MS4A15: variants seen among roughly 807,000 people sequenced by gnomAD.
The protein encoded by MS4A15 is membrane-spanning 4-domains subfamily A member 15.
Under a neutral mutation model 20.6 loss-of-function variants are expected in MS4A15, and 22 were observed. The observed-to-expected ratio is 1.07, with a 90% confidence interval of 0.76 to 1.52. The LOEUF is 1.52. MS4A15 is among the 40% of genes most tolerant of loss of function. The pLI is 0.00. For synonymous variants in MS4A15, 129 were observed against 129.3 expected, an observed-to-expected ratio of 1.00 and a Z score of 0.02; for missense variants, 312 against 323.0, an observed-to-expected ratio of 0.97 and a Z score of 0.26.
intron 6 of MS4A15, among the ~76,000 whole-genome samples, 183 bp from the exon 7 acceptor site, chr11:60,775,422 T>G (rs59086786): frequency 6.6e-6 from 1 of 152,188 alleles, no homozygotes; most frequent in South Asian, 2.1e-4. Flanking sequence ...GCCTGGATCA[T>G]AGCTGGCCCC....
At chr11:60,775,453 T>G (rs921037307) in intron 6 of MS4A15, 152 bp from the exon 7 acceptor site, 2 of 623,566 alleles carry the variant, frequency 3.2e-6, no homozygotes, top group Non-Finnish European at 5.7e-6. Flanking sequence ...GTTTGAAATA[T>G]TGGTTGCACG....
chr11:60,764,586 C>T (rs572750160), intron 2 of MS4A15, among the ~76,000 whole-genome samples: 4 of 152,300 alleles, frequency 2.6e-5, no homozygotes, highest in African/African-American at 9.6e-5. Context: ...CACACATTTG[C>T]ACGTGTGTGT....
intron 3 of MS4A15, among the ~76,000 whole-genome samples, chr11:60,768,818 G>C (rs1198043925): frequency 6.6e-6 from 1 of 152,188 alleles, no homozygotes; most frequent in African/African-American, 2.4e-5. Context: ...TGCATAAAAG[G>C]GGTCTCCATT....
rs139045110 is a variant in MS4A15, at chr11:60,773,951, G to C, written c.612+1G>C. ...AGCCATCCATGCCCAGGCCAGTGCAGTGAGTACCCCCACCCCCACCCCCAC... is the reference window on the plus strand; with the variant it reads ...AGCCATCCATGCCCAGGCCAGTGCACTGAGTACCCCCACCCCCACCCCCAC... On this transcript the variant is annotated splice_donor_variant, in intron 6 of 6. Transcript: ENST00000405633. LOFTEE classifies it high-confidence loss of function. 191 of 1,611,964 alleles carry C rather than the reference G, an allele frequency of 1.2e-4. No homozygotes were observed. Among genetic ancestry groups the C allele is most frequent in the Non-Finnish European group, 1.6e-4 (183 of 1,178,300 alleles).
chr11:60,775,935 G>T lies in MS4A15; in HGVS notation c.*220G>T, dbSNP rs147908770. ...AAAAGACACCGGGCTGACGTCAGGG[G>T]TGTGTGTCCTTCAGCTCCCTGAGCC... On this transcript the variant is annotated 3_prime_UTR_variant, in exon 7 of 7. Transcript: ENST00000405633. 230 of 441,220 alleles carry T rather than the reference G, an allele frequency of 5.2e-4. No homozygotes were observed. Among genetic ancestry groups the T allele is most frequent in the African/African-American group, 1.3e-3 (68 of 51,340 alleles). 27.3% of individuals were successfully genotyped at this position (441,220 alleles called of 1,614,324 possible).
chr11:60,759,472 C>T (rs1388165409), intron 1 of MS4A15, among the ~76,000 whole-genome samples: 1 of 152,216 alleles, frequency 6.6e-6, no homozygotes. Context: ...TGAGACAGCC[C>T]GAGATATGGC....
In MS4A15 at chr11:60,773,499, G is replaced by C. The variant is rs1176913347; in HGVS notation, c.498+15G>C. ...TTACCAACCGGGTGCGTTGTCAGAT[G>C]GCCCTCGGGGTGGGAAAACTTGGAA... On this transcript the variant is annotated intron_variant, in intron 5 of 6. Transcript: ENST00000405633. 3.1e-6 allele frequency: 5 copies of C among 1,610,982 alleles called. No individual in the cohort carries two copies. The highest frequency in any genetic ancestry group is 4.2e-6 in the Non-Finnish European group (5 of 1,177,500).
chr11:60,766,163 C>T (rs1240046757), intron 2 of MS4A15, among the ~76,000 whole-genome samples: 5 of 152,148 alleles, frequency 3.3e-5, no homozygotes, highest in East Asian at 1.9e-4. Context: ...GGTGGATCAC[C>T]TGAGGTCAGG....
rs1590989374 is a variant in MS4A15, at chr11:60,775,749, C to A, written c.*34C>A. 1 of 1,562,272 alleles carries A rather than the reference C, an allele frequency of 6.4e-7. No homozygotes were observed. Among genetic ancestry groups the A allele is most frequent in the Non-Finnish European group, 8.8e-7 (1 of 1,138,014 alleles). The stretch of plus-strand genomic sequence containing the variant: ...TGTGGCACCTGCGGGTGGAGTCCAG[C>A]CTTTTCCCTCTGGGCCCAGCCTCTC... On this transcript the variant is annotated 3_prime_UTR_variant, in exon 7 of 7. Transcript: ENST00000405633.
chr11:60,762,451 T>A (rs1001997156), intron 1 of MS4A15, among the ~76,000 whole-genome samples: 10 of 152,294 alleles, frequency 6.6e-5, no homozygotes, highest in African/African-American at 2.4e-4. Flanking sequence ...ATTCCCACTC[T>A]TAAGTGTAAA....
intron 3 of MS4A15, among the ~76,000 whole-genome samples, chr11:60,769,769 C>T (rs1225248364): frequency 6.6e-6 from 1 of 152,218 alleles, no homozygotes; most frequent in Non-Finnish European, 1.5e-5. Context: ...CCCTGCTGCG[C>T]ATCCACCCCA....
intron 1 of MS4A15, among the ~76,000 whole-genome samples, chr11:60,763,176 C>CAATTGCTTGG (rs1479952326): frequency 6.6e-6 from 1 of 152,192 alleles, no homozygotes; most frequent in Non-Finnish European, 1.5e-5. Context: ...CATTTCTTGG[C>CAATTGCTTGG]TACATCAATG....
At chr11:60,773,179 A>C (rs1854084693) in intron 4 of MS4A15, among the ~76,000 whole-genome samples, 1 of 152,172 alleles carries the variant, frequency 6.6e-6, no homozygotes, top group Admixed American at 6.5e-5. Context: ...AGAAGGAAAG[A>C]GAGACAACAA....
intron 3 of MS4A15, among the ~76,000 whole-genome samples, chr11:60,768,439 G>A (rs1229191104): frequency 6.6e-6 from 1 of 152,226 alleles, no homozygotes; most frequent in East Asian, 1.9e-4. Context: ...ACAGGCAGGT[G>A]AGTCCTTGTC....
At chr11:60,766,540 A>C (rs1378593052) in intron 2 of MS4A15, among the ~76,000 whole-genome samples, 3 of 152,300 alleles carry the variant, frequency 2.0e-5, no homozygotes, top group Non-Finnish European at 2.9e-5. Context: ...GTGGTGGTCT[A>C]TCCACAGGGG....
At position 60,763,865 on chromosome 11, in the gene MS4A15, G is replaced by C; in HGVS notation, c.132G>C (p.Glu44Asp). ...CTCCAGGGATTATGCAGTTTGAGGA[G>C]CCACCGCTGGGGGCACAGACACCAA... ...CQPPGIMQFE[E>D]PPLGAQTPRA... The change falls in exon 2 of 7, where the codon GAG becomes GAC. Residue 44 changes from glutamate (E) to aspartate (D), a missense_variant. Physicochemically the swap from Glu to Asp is conservative, Grantham distance 45 (BLOSUM62 2). Coordinates refer to ENST00000405633, the MANE Select transcript of MS4A15 (RefSeq NM_001098835.2). 1 of 1,612,952 alleles carries C rather than the reference G, an allele frequency of 6.2e-7. No individual in the cohort carries two copies. Among genetic ancestry groups the C allele is most frequent in the Non-Finnish European group, 8.5e-7 (1 of 1,179,894 alleles).
intron 3 of MS4A15, among the ~76,000 whole-genome samples, chr11:60,767,961 G>A (rs540953830): frequency 1.6e-4 from 24 of 152,310 alleles, no homozygotes; most frequent in African/African-American, 5.5e-4. Context: ...GGGAGGCCGA[G>A]GCAGGCAGAT....
intron 1 of MS4A15, among the ~76,000 whole-genome samples, chr11:60,759,200 T>C (rs987352176): frequency 2.0e-5 from 3 of 152,212 alleles, no homozygotes; most frequent in African/African-American, 7.2e-5. Context: ...CAAAGAAAAA[T>C]TGTTATGCTT....
At chr11:60,757,680 T>C (rs1853628275) in intron 1 of MS4A15, among the ~76,000 whole-genome samples, 1 of 152,180 alleles carries the variant, frequency 6.6e-6, no homozygotes, top group Non-Finnish European at 1.5e-5. Flanking sequence ...GTTCAGGCAA[T>C]GGCGCCTCCC....
Sources: allele counts gnomAD v4.1 joint callset (sites outside exome capture counted in the v4.1 genomes callset), GRCh38; gene constraint gnomAD v4.1.1; transcripts MANE v1.5; gene names NCBI Gene and HGNC (gene_info 2026-07-23, HGNC 2026-07-21).